The following CNTN5 variants were observed in gnomAD, a reference collection of about 807,000 sequenced individuals.
CNTN5 encodes contactin-5.
In CNTN5, 77 loss-of-function variants were observed where a neutral mutation model predicts 129.1. The observed-to-expected ratio is 0.60, with a 90% CI of 0.50 to 0.72. CNTN5 has a LOEUF of 0.72. Ranked by LOEUF, CNTN5 falls within the 30% of genes least tolerant of loss-of-function variation. The pLI, the probability that CNTN5 is intolerant of heterozygous loss-of-function variation, is 0.00. For synonymous variants in CNTN5, 509 were observed against 465.6 expected, an observed-to-expected ratio of 1.09 and a Z score of -1.20; for missense variants, 1,478 against 1,328.8, an observed-to-expected ratio of 1.11 and a Z score of -1.75.
Position 100,156,116 on chromosome 11 carries a change from T to A in CNTN5, c.1581-35010T>A, listed in dbSNP as rs139131412. 4.7e-3 allele frequency among the ~76,000 whole-genome samples: 718 copies of A among 152,302 alleles called. 3 individuals are homozygous for A. Among genetic ancestry groups the A allele is most frequent in the African/African-American group, 0.016 (672 of 41,580 alleles). On this transcript the variant is annotated intron_variant, in intron 13 of 24. Coordinates refer to ENST00000524871, the MANE Select transcript of CNTN5 (RefSeq NM_014361.4). Reference sequence around the variant, plus strand: ...AGGGAATGCTTCCAGTTTGTGCCCATTCAGTATGATACTGGCTATGGGTTT... The same window carrying A: ...AGGGAATGCTTCCAGTTTGTGCCCAATCAGTATGATACTGGCTATGGGTTT...
chr11:100,113,062 C>G lies in CNTN5; in HGVS notation c.1580+38768C>G, dbSNP rs895757130. ...TAGAATATTGTATTCTTTATTTAAC[C>G]TGTTTGAGTCTTTCATTATGGAAGT... On this transcript the variant is annotated intron_variant, in intron 13 of 24. Transcript: ENST00000524871. Among the ~76,000 whole-genome samples the G allele has an allele frequency of 6.6e-5, 10 of 151,772 alleles. No individual in the cohort carries two copies. In the South Asian group the frequency reaches 1.9e-3, roughly 28 times the overall value.
intron 20 of CNTN5, among the ~76,000 whole-genome samples, chr11:100,301,258 G>T (rs914799916): frequency 1.3e-5 from 2 of 151,550 alleles, no homozygotes; most frequent in Admixed American, 1.3e-4. Context: ...TTTTGAACAC[G>T]CTTTGTATAG....
rs78197514 is a variant in CNTN5 at position 99,505,074 on chromosome 11, T to G, written c.-70-51071T>G. Among the ~76,000 whole-genome samples the G allele has an allele frequency of 6.3e-3, 954 of 152,336 alleles. 8 individuals carry two copies. The highest frequency in any genetic ancestry group is 0.022 in the African/African-American group (897 of 41,582). ...ACTTTATGTCTACTGGGATGGCCTC[T>G]TCTCAAGACTCAATTGTGTTCCAGT... On this transcript the variant is annotated intron_variant, in intron 2 of 24. Coordinates refer to ENST00000524871, the MANE Select transcript of CNTN5 (RefSeq NM_014361.4).
intron 8 of CNTN5, among the ~76,000 whole-genome samples, chr11:99,960,617 AT>A (rs1474921980): frequency 6.6e-6 from 1 of 152,176 alleles, no homozygotes; most frequent in African/African-American, 2.4e-5. Flanking sequence ...GGCTAATAAC[AT>A]TAATAAGAAT....
chr11:99,339,652 G>A (rs912453684), intron 2 of CNTN5, among the ~76,000 whole-genome samples: 1 of 152,092 alleles, frequency 6.6e-6, no homozygotes, highest in Non-Finnish European at 1.5e-5. Context: ...TGTGGTGGCA[G>A]GCGCCTGTAG....
At chr11:99,181,350 G>A (rs1858053214) in intron 1 of CNTN5, among the ~76,000 whole-genome samples, 1 of 152,180 alleles carries the variant, frequency 6.6e-6, no homozygotes, top group South Asian at 2.1e-4. Flanking sequence ...AAGGTGCTGT[G>A]TCTCATTTGG....
chr11:99,819,302 T>TTCTC (rs150739162), intron 3 of CNTN5, among the ~76,000 whole-genome samples: 16 of 4,772 alleles, frequency 3.4e-3, no homozygotes, highest in South Asian at 9.4e-3. Context: ...CTCCTCCCCT[T>TTCTC]CCCTCCCCTC....
At chr11:100,172,117 C>T (rs1044612359) in intron 13 of CNTN5, among the ~76,000 whole-genome samples, 10 of 151,816 alleles carry the variant, frequency 6.6e-5, no homozygotes, top group African/African-American at 2.4e-4. Context: ...GAAGTTAATT[C>T]AAAATGCAAA....
At chr11:99,393,263 T>C (rs1302315337) in intron 2 of CNTN5, among the ~76,000 whole-genome samples, 1 of 151,694 alleles carries the variant, frequency 6.6e-6, no homozygotes, top group Admixed American at 6.6e-5. Flanking sequence ...GTTGCAGCAA[T>C]ATACTGGAAA....
At chr11:99,920,069 A>G (rs1949898452) in intron 7 of CNTN5, among the ~76,000 whole-genome samples, 1 of 152,144 alleles carries the variant, frequency 6.6e-6, no homozygotes, top group African/African-American at 2.4e-5. Context: ...CATGGCATGT[A>G]TCAATAGTTT....
chr11:99,989,670 G>T (rs1267736912), intron 8 of CNTN5, among the ~76,000 whole-genome samples: 2 of 152,048 alleles, frequency 1.3e-5, no homozygotes. Flanking sequence ...GGAAATTTAT[G>T]AAAATAATAA....
chr11:99,300,743 G>C (rs1029284570), intron 1 of CNTN5, among the ~76,000 whole-genome samples: 5 of 151,976 alleles, frequency 3.3e-5, no homozygotes, highest in Non-Finnish European at 7.4e-5. Context: ...GAATCTTTCA[G>C]GCTGACATGA....
chr11:99,558,145 T>A, intron 3 of CNTN5: 1 of 186,874 alleles, frequency 5.4e-6, no homozygotes, highest in South Asian at 9.3e-5. Context: ...AATATTATGG[T>A]TACTTAAAAA....
At chr11:100,165,011 T>C (rs1947582006) in intron 13 of CNTN5, among the ~76,000 whole-genome samples, 1 of 151,838 alleles carries the variant, frequency 6.6e-6, no homozygotes, top group Non-Finnish European at 1.5e-5. Context: ...TCTCAGGTTC[T>C]AGTTGATAGG....
intron 7 of CNTN5, among the ~76,000 whole-genome samples, chr11:99,942,246 G>A (rs1950456034): frequency 6.6e-6 from 1 of 151,936 alleles, no homozygotes; most frequent in African/African-American, 2.4e-5. Context: ...TATGTGATCT[G>A]GTAGGGAAGA....
intron 1 of CNTN5, among the ~76,000 whole-genome samples, chr11:99,110,060 T>C (rs1215484545): frequency 6.6e-6 from 1 of 152,084 alleles, no homozygotes; most frequent in African/African-American, 2.4e-5. Flanking sequence ...TTCGAATAGA[T>C]GAGAAAGCAT....
At chr11:99,606,918 C>T (rs1223237238) in intron 3 of CNTN5, among the ~76,000 whole-genome samples, 2 of 131,916 alleles carry the variant, frequency 1.5e-5, no homozygotes, top group Non-Finnish European at 3.4e-5. Flanking sequence ...AAACTGGATT[C>T]CTTCCTTACA....
At chr11:100,009,643 G>C (rs923703736) in intron 9 of CNTN5, among the ~76,000 whole-genome samples, 30 of 152,100 alleles carry the variant, frequency 2.0e-4, no homozygotes, top group Non-Finnish European at 2.9e-4. Context: ...GAAAAAATGA[G>C]TTGTTACAGG....
At chr11:100,103,790 G>T (rs60578491) in intron 13 of CNTN5, among the ~76,000 whole-genome samples, 6,795 of 152,132 alleles carry the variant, frequency 0.045, 471 homozygotes, top group African/African-American at 0.15. Context: ...CAGTTTGGGG[G>T]AAATTCTACA....
Sources: allele counts gnomAD v4.1 joint callset (sites outside exome capture counted in the v4.1 genomes callset), GRCh38; gene constraint gnomAD v4.1.1; transcripts MANE v1.5; gene names NCBI Gene and HGNC (gene_info 2026-07-23, HGNC 2026-07-21).